MAJIN: variants seen among roughly 807,000 people sequenced by gnomAD.
MAJIN encodes membrane anchored junction protein.
Under a neutral mutation model 30.2 loss-of-function variants are expected in MAJIN, and 27 were observed. The ratio of observed to expected loss-of-function variants is 0.89; its 90% CI spans 0.66 to 1.23. The LOEUF is 1.23. MAJIN is among the 50% of genes most tolerant of loss of function. The pLI is 0.00. For missense variants in MAJIN, 253 were observed against 260.3 expected (o/e 0.97, Z 0.19); for synonymous variants, 78 against 91.6 (o/e 0.85, Z 0.85).
At chr11:64,939,350 T>G (rs1945337897) in intron 10 of MAJIN, among the ~76,000 whole-genome samples, 1 of 152,222 alleles carries the variant, frequency 6.6e-6, no homozygotes, top group African/African-American at 2.4e-5. Context: ...TCCACCCGCC[T>G]TGGCCTCCCA....
At chr11:64,970,940 G>A (rs932058399) in intron 1 of MAJIN, among the ~76,000 whole-genome samples, 3 of 152,290 alleles carry the variant, frequency 2.0e-5, no homozygotes, top group African/African-American at 7.2e-5. Flanking sequence ...GCTAGGCTGG[G>A]GTTGGAGGGT....
chr11:64,939,736 T>A lies in MAJIN; in HGVS notation c.578A>T (p.Glu193Val), dbSNP rs1160413347. ...AGTTGTGCTGCAGGGGTGGGACAAT[T>A]CGCCCTGGCAGGCTGTGTCCCCACT... The part of the protein sequence containing the change: ...ILSGDTACQG[E>V]LSHPCSTTHL... The change falls in exon 10 of 11, where the codon GAA becomes GTA. Residue 193 changes from glutamate to valine, a missense_variant. Coordinates refer to ENST00000301896, the MANE Select transcript of MAJIN (RefSeq NM_001037225.3). 1.2e-6 allele frequency: 2 copies of A among 1,614,018 alleles called. No individual in the cohort carries two copies. The highest frequency in any genetic ancestry group is 1.7e-4 in the Middle Eastern group (1 of 6,060).
intron 1 of MAJIN, among the ~76,000 whole-genome samples, chr11:64,967,693 G>C (rs1272826961): frequency 2.4e-4 from 36 of 152,138 alleles, no homozygotes; most frequent in Admixed American, 2.4e-3. Context: ...GCTACAAGGT[G>C]AGACTATACA....
chr11:64,946,485 A>G (rs1945454333), intron 8 of MAJIN, among the ~76,000 whole-genome samples: 1 of 152,212 alleles, frequency 6.6e-6, no homozygotes, highest in South Asian at 2.1e-4. Context: ...GTCGAATGGA[A>G]CAAAGCAAAG....
chr11:64,943,027 G>A (rs564011766), intron 8 of MAJIN, among the ~76,000 whole-genome samples: 4 of 152,270 alleles, frequency 2.6e-5, no homozygotes, highest in African/African-American at 9.6e-5. Context: ...CTTGAGAGAT[G>A]TCTTCTCAAG....
intron 7 of MAJIN, 28 bp from the exon 8 acceptor site, chr11:64,947,493 T>G (rs924588454): frequency 1.3e-6 from 2 of 1,594,856 alleles, no homozygotes; most frequent in African/African-American, 1.3e-5. Flanking sequence ...TGCCTGTGAC[T>G]CCTCCTTTCC....
At chr11:64,943,411 G>C (rs953180290) in intron 8 of MAJIN, among the ~76,000 whole-genome samples, 1 of 152,068 alleles carries the variant, frequency 6.6e-6, no homozygotes, top group African/African-American at 2.4e-5. Flanking sequence ...CTAAGCTTTC[G>C]CCACACAGGC....
At chr11:64,969,453 A>C (rs554561917) in intron 1 of MAJIN, among the ~76,000 whole-genome samples, 211 of 151,544 alleles carry the variant, frequency 1.4e-3, no homozygotes, top group Non-Finnish European at 2.8e-3. Flanking sequence ...TGAAGGGTAT[A>C]ATAAAAAAAA....
intron 8 of MAJIN, among the ~76,000 whole-genome samples, chr11:64,946,538 A>G (rs1945455439): frequency 6.6e-6 from 1 of 152,186 alleles, no homozygotes; most frequent in African/African-American, 2.4e-5. Flanking sequence ...TGGCTTGGAA[A>G]GGAGCTCCCT....
At chr11:64,965,761 C>G (rs989434724) in intron 1 of MAJIN, among the ~76,000 whole-genome samples, 2 of 151,986 alleles carry the variant, frequency 1.3e-5, no homozygotes, top group Non-Finnish European at 2.9e-5. Flanking sequence ...TCGATACTAT[C>G]CTGGCTAACA....
chr11:64,949,934 T>C lies in MAJIN; in HGVS notation c.224-66A>G. ...GCATTCCTAAGTACTATTTTAGGGA[T>C]GAGACTCTCTCTCCTTCCCCTGACC... On this transcript the variant is annotated intron_variant, in intron 5 of 10. Transcript: ENST00000301896. 3 of 1,561,292 alleles carry C rather than the reference T, an allele frequency of 1.9e-6. No individual in the cohort carries two copies. The South Asian group carries it at 3.4e-5, about 18-fold the overall frequency.
intron 3 of MAJIN, among the ~76,000 whole-genome samples, chr11:64,956,850 T>C (rs1945643370): frequency 1.5e-5 from 2 of 132,084 alleles, no homozygotes; most frequent in African/African-American, 5.6e-5. Flanking sequence ...CACTGCAACC[T>C]CCGCCTCCCG....
In MAJIN at chr11:64,947,352, CCT is replaced by C; in HGVS notation, c.473+20_473+21del. ...AGCCTAACTAGGACGCAGGAGCGAG[CCT>C]CTCTCCCCACACCACTGACCTGTCC... On this transcript the variant is annotated intron_variant, in intron 8 of 10. Transcript: ENST00000301896. 1.3e-6 allele frequency: 2 copies of C among 1,586,848 alleles called. No individual in the cohort carries two copies. Among genetic ancestry groups the C allele is most frequent in the Non-Finnish European group, 1.7e-6 (2 of 1,165,474 alleles).
At chr11:64,969,580 G>A (rs2670908) in intron 1 of MAJIN, among the ~76,000 whole-genome samples, 114,741 of 151,966 alleles carry the variant, frequency 0.76, 43,532 homozygotes, top group African/African-American at 0.78. Context: ...GGAGCCTCCT[G>A]CGGCTCAAGG....
chr11:64,950,754 T>C (rs1565130260), intron 4 of MAJIN, among the ~76,000 whole-genome samples: 2 of 152,048 alleles, frequency 1.3e-5, no homozygotes, highest in Admixed American at 6.6e-5. Context: ...TCTAATTTTT[T>C]TATTTTTTGT....
chr11:64,947,234 G>T, intron 8 of MAJIN, 140 bp downstream of exon 8: 1 of 562,962 alleles, frequency 1.8e-6, no homozygotes, highest in South Asian at 3.3e-5. Flanking sequence ...CCTTTCCTTA[G>T]TCCACCCACT....
intron 10 of MAJIN, 109 bp downstream of exon 10, chr11:64,939,553 A>T (rs951078261): frequency 3.3e-6 from 3 of 907,986 alleles, no homozygotes; most frequent in Non-Finnish European, 5.1e-6. Flanking sequence ...CATAAGTGAG[A>T]AGCCTCTGTA....
At chr11:64,952,132 G>C (rs1161336731) in intron 4 of MAJIN, among the ~76,000 whole-genome samples, 1 of 151,880 alleles carries the variant, frequency 6.6e-6, no homozygotes, top group African/African-American at 2.4e-5. Flanking sequence ...CAGGCAATCT[G>C]CCCACCTTGG....
intron 8 of MAJIN, among the ~76,000 whole-genome samples, chr11:64,941,426 C>G (rs1230247756): frequency 6.6e-6 from 1 of 152,094 alleles, no homozygotes; most frequent in Non-Finnish European, 1.5e-5. Flanking sequence ...GAGGCCAAGG[C>G]AGATGGATCA....
Sources: allele counts gnomAD v4.1 joint callset (sites outside exome capture counted in the v4.1 genomes callset), GRCh38; gene constraint gnomAD v4.1.1; transcripts MANE v1.5; gene names NCBI Gene and HGNC (gene_info 2026-07-23, HGNC 2026-07-21).